Variants in PDLIM5 observed in about 807,000 individuals in gnomAD.
PDLIM5 encodes PDZ and LIM domain 5.
PDLIM5 carries 34 observed loss-of-function variants against 64.2 expected under a neutral mutation model. The observed-to-expected ratio is 0.53, with a 90% CI of 0.40 to 0.71. The LOEUF is 0.71. PDLIM5 is among the 30% of genes least tolerant of loss of function. The pLI is 0.00. For missense variants in PDLIM5, 683 were observed against 733.6 expected, an observed-to-expected ratio of 0.93 and a Z score of 0.80; for synonymous variants, 253 against 269.1, an observed-to-expected ratio of 0.94 and a Z score of 0.59.
intron 2 of PDLIM5, among the ~76,000 whole-genome samples, chr4:94,468,359 G>T (rs1724557686): frequency 6.6e-6 from 1 of 152,220 alleles, no homozygotes; most frequent in South Asian, 2.1e-4. Context: ...TTGCTTTGTT[G>T]CCCAGGCAGG....
At chr4:94,556,062 C>A (rs896910687) in intron 3 of PDLIM5, among the ~76,000 whole-genome samples, 4 of 149,948 alleles carry the variant, frequency 2.7e-5, no homozygotes, top group African/African-American at 7.4e-5. Context: ...CGCCTCCCCC[C>A]ACCCCACAAC....
intron 3 of PDLIM5, among the ~76,000 whole-genome samples, chr4:94,572,567 A>G (rs1315583641): frequency 2.0e-5 from 3 of 152,246 alleles, no homozygotes; most frequent in African/African-American, 7.2e-5. Context: ...GCACAATAAT[A>G]ACATAGTACA....
chr4:94,516,800 A>C (rs546213910), intron 2 of PDLIM5, among the ~76,000 whole-genome samples: 12 of 152,230 alleles, frequency 7.9e-5, no homozygotes, highest in African/African-American at 2.6e-4. Flanking sequence ...CCAAAGTGCT[A>C]GTATTACAGG....
At chr4:94,522,988 T>G (rs1560675244) in intron 2 of PDLIM5, among the ~76,000 whole-genome samples, 2 of 152,196 alleles carry the variant, frequency 1.3e-5, no homozygotes, top group Non-Finnish European at 2.9e-5. Flanking sequence ...CTGCTTCTTT[T>G]GGGGCAATGA....
rs1271037575 is a variant in PDLIM5, at chr4:94,664,075, C to CA, written c.*9dup. On this transcript the variant is annotated 3_prime_UTR_variant, in exon 13 of 13. Transcript: ENST00000317968. ...CATTCTGTGAATTTTTGAAAGTCAA[C>CA]AGTTCAGGAGAAGAGAAGGAATTTG... 1.9e-6 allele frequency: 3 copies of CA among 1,579,336 alleles called. No homozygotes were observed. The Admixed American group carries it at 5.1e-5, about 27-fold the overall frequency.
At chr4:94,637,005 CTA>C (rs1202389233) in intron 8 of PDLIM5, among the ~76,000 whole-genome samples, 2 of 151,982 alleles carry the variant, frequency 1.3e-5, no homozygotes, top group South Asian at 2.1e-4. Context: ...AATGGGAAAA[CTA>C]TGAGTAGCAG....
At chr4:94,499,950 C>G (rs943097028) in intron 2 of PDLIM5, among the ~76,000 whole-genome samples, 4 of 152,196 alleles carry the variant, frequency 2.6e-5, no homozygotes, top group African/African-American at 7.2e-5. Flanking sequence ...TCCCCTCCCC[C>G]TGACCCACCT....
intron 10 of PDLIM5, among the ~76,000 whole-genome samples, chr4:94,655,861 A>G (rs1312042074): frequency 2.0e-5 from 3 of 152,152 alleles, no homozygotes; most frequent in African/African-American, 7.2e-5. Flanking sequence ...ATTACCTGTT[A>G]AAGATTTCTC....
intron 8 of PDLIM5, among the ~76,000 whole-genome samples, chr4:94,636,056 A>G (rs754894990): frequency 6.6e-6 from 1 of 152,210 alleles, no homozygotes; most frequent in Non-Finnish European, 1.5e-5. Flanking sequence ...GAGCCTTTTT[A>G]TGTGTGTTTG....
At chr4:94,570,373 A>G (rs572598905) in intron 3 of PDLIM5, among the ~76,000 whole-genome samples, 11 of 152,282 alleles carry the variant, frequency 7.2e-5, no homozygotes, top group Admixed American at 3.9e-4. Context: ...TAGTTCCTAT[A>G]GTAAGATAGA....
chr4:94,642,555 G>T (rs1427589151), intron 9 of PDLIM5, among the ~76,000 whole-genome samples: 1 of 152,066 alleles, frequency 6.6e-6, no homozygotes, highest in Non-Finnish European at 1.5e-5. Flanking sequence ...TATTGTTCTG[G>T]ATTATCCAGT....
At chr4:94,663,485 A>G (rs1181620131) in intron 12 of PDLIM5, among the ~76,000 whole-genome samples, 2 of 152,206 alleles carry the variant, frequency 1.3e-5, no homozygotes, top group Admixed American at 6.5e-5. Flanking sequence ...GAAACAAACA[A>G]AAGAGGTCTC....
chr4:94,495,765 GT>G (rs1175203030), intron 2 of PDLIM5, among the ~76,000 whole-genome samples: 1 of 152,214 alleles, frequency 6.6e-6, no homozygotes, highest in Non-Finnish European at 1.5e-5. Flanking sequence ...AGGCTTGCAG[GT>G]GCAGAAGTTC....
At chr4:94,554,159 A>G (rs1345533806) in intron 3 of PDLIM5, among the ~76,000 whole-genome samples, 4 of 152,310 alleles carry the variant, frequency 2.6e-5, no homozygotes, top group East Asian at 1.9e-4. Context: ...TCCTGAGTAC[A>G]TGCAGTAATC....
intron 11 of PDLIM5, among the ~76,000 whole-genome samples, chr4:94,661,541 C>T (rs536955402): frequency 6.6e-6 from 1 of 152,196 alleles, no homozygotes; most frequent in Admixed American, 6.5e-5. Flanking sequence ...GGGTTTTCAA[C>T]ATGAAGTCAT....
chr4:94,491,679 C>T (rs568252550), intron 2 of PDLIM5, among the ~76,000 whole-genome samples: 10 of 151,770 alleles, frequency 6.6e-5, no homozygotes, highest in South Asian at 4.2e-4. Context: ...TTTCTTGTGC[C>T]GGAATCAGAT....
Position 94,665,560 on chromosome 4 carries a change from A to T in PDLIM5, c.*1493A>T. Reference sequence around the variant, plus strand: ...GTGGCTGGGAATTGTGAATCAGAAGATTATACCCCCCAATTGTTTTTCAAT... The same window carrying T: ...GTGGCTGGGAATTGTGAATCAGAAGTTTATACCCCCCAATTGTTTTTCAAT... On this transcript the variant is annotated 3_prime_UTR_variant, in exon 13 of 13. Coordinates refer to ENST00000317968, the MANE Select transcript of PDLIM5 (RefSeq NM_006457.5). The T allele has an allele frequency of 1.1e-6, 1 of 917,016 alleles. No individual in the cohort carries two copies. Among genetic ancestry groups the T allele is most frequent in the Non-Finnish European group, 1.3e-6 (1 of 788,096 alleles). 56.8% of individuals were successfully genotyped at this position (917,016 alleles called of 1,614,324 possible). A position where few individuals can be genotyped will look rare whatever the true frequency, so the allele number is the denominator to read the frequency against.
intron 1 of PDLIM5, among the ~76,000 whole-genome samples, chr4:94,452,293 A>T (rs1722924318): frequency 6.6e-6 from 1 of 152,052 alleles, no homozygotes; most frequent in Non-Finnish European, 1.5e-5. Flanking sequence ...GGAGACGGGG[A>T]CGCGGGAGGG....
intron 2 of PDLIM5, among the ~76,000 whole-genome samples, chr4:94,480,961 T>G (rs917938072): frequency 3.3e-5 from 5 of 152,210 alleles, no homozygotes; most frequent in African/African-American, 1.2e-4. Context: ...ATACTGTATG[T>G]GGTTTTGGTT....
Sources: allele counts gnomAD v4.1 joint callset (sites outside exome capture counted in the v4.1 genomes callset), GRCh38; gene constraint gnomAD v4.1.1; transcripts MANE v1.5; gene names NCBI Gene and HGNC (gene_info 2026-07-23, HGNC 2026-07-21).